ADAM19: variants seen among roughly 807,000 people sequenced by gnomAD.
The protein encoded by ADAM19 is ADAM metallopeptidase domain 19.
In ADAM19, 65 loss-of-function variants were observed where a neutral mutation model predicts 114.7. The observed-to-expected ratio is 0.57, with a 90% CI of 0.46 to 0.70. ADAM19 has a LOEUF of 0.70. Among genes scored for constraint, ADAM19 ranks in the 30% least tolerant of loss-of-function variants. The pLI is 0.00. For missense variants in ADAM19, 1,063 were observed against 1,204.7 expected (o/e 0.88, Z 1.74); for synonymous variants, 466 against 460.5 (o/e 1.01, Z -0.15).
chr5:157,488,910 G>T (rs1755052071), intron 20 of ADAM19, among the ~76,000 whole-genome samples, 192 bp downstream of exon 20: 1 of 152,146 alleles, frequency 6.6e-6, no homozygotes. Context: ...GGCACCTGTA[G>T]TCCCAGCTAA....
At chr5:157,536,011 T>C (rs2113761486) in intron 4 of ADAM19, among the ~76,000 whole-genome samples, 1 of 152,296 alleles carries the variant, frequency 6.6e-6, no homozygotes, top group East Asian at 1.9e-4. Flanking sequence ...CATTGAAGAA[T>C]ATGAAGTCAC....
At chr5:157,499,775 T>C (rs28437431) in intron 12 of ADAM19, 113 bp from the exon 13 acceptor site, 18,787 of 177,162 alleles carry the variant, frequency 0.11, 90 homozygotes, top group South Asian at 0.23. Flanking sequence ...AACTATCTCT[T>C]TTTTTTTTTT....
chr5:157,481,932 C>A lies in ADAM19; in HGVS notation c.2562G>T (p.Arg854Ser). ...PNCIVSQDFS[R>S]PRPPQKALPA... ...GGAGTGCCTTCTGGGGCGGCCGAGG[C>A]CTGGAGAAGTCCTGGAGAGAAAGCA... Residue 854 changes from arginine (R) to serine (S), a missense_variant, in exon 22 of 23, where the codon AGG (arginine) becomes AGT (serine). Transcript: ENST00000257527. 6.2e-7 allele frequency: 1 copy of A among 1,601,638 alleles called. No homozygotes were observed. Among genetic ancestry groups the A allele is most frequent in the Non-Finnish European group, 8.5e-7 (1 of 1,173,218 alleles).
At chr5:157,551,136 G>T (rs1476895273) in intron 3 of ADAM19, among the ~76,000 whole-genome samples, 5 of 152,136 alleles carry the variant, frequency 3.3e-5, no homozygotes, top group African/African-American at 9.7e-5. Flanking sequence ...CAGGCACAGT[G>T]GTTCATGCCT....
chr5:157,504,395 C>T (rs758064151), intron 11 of ADAM19, among the ~76,000 whole-genome samples: 1 of 152,126 alleles, frequency 6.6e-6, no homozygotes, highest in Non-Finnish European at 1.5e-5. Context: ...GGACCACAGG[C>T]GTGCACCACC....
rs527622833 is a variant in ADAM19 at position 157,483,374 on chromosome 5, A to G, written c.2551-1431T>C. ...TATAAATAAGCAAAATTTCATCAGCAGAAAAATAACTAAAATTATAAAGTG... is the reference window on the plus strand; with the variant it reads ...TATAAATAAGCAAAATTTCATCAGCGGAAAAATAACTAAAATTATAAAGTG... On this transcript the variant is annotated intron_variant, in intron 21 of 22. Coordinates refer to ENST00000257527, the MANE Select transcript of ADAM19 (RefSeq NM_033274.5). Among the ~76,000 whole-genome samples the G allele has an allele frequency of 2.2e-4, 34 of 152,330 alleles. No homozygotes were observed. The South Asian group carries it at 6.4e-3, about 29-fold the overall frequency.
chr5:157,551,911 T>C (rs776896579), intron 3 of ADAM19, among the ~76,000 whole-genome samples: 12 of 152,114 alleles, frequency 7.9e-5, no homozygotes, highest in Non-Finnish European at 1.8e-4. Flanking sequence ...CCCAGCACTT[T>C]GGGATGGATC....
chr5:157,572,365 A>G (rs531796267), intron 1 of ADAM19: 20 of 423,746 alleles, frequency 4.7e-5, no homozygotes, highest in African/African-American at 4.1e-4. Flanking sequence ...CTGGCGGCAG[A>G]CTATCTTAAC....
At chr5:157,493,230 G>A in intron 15 of ADAM19, 53 bp from the exon 16 acceptor site, 1 of 1,585,114 alleles carries the variant, frequency 6.3e-7, no homozygotes, top group Non-Finnish European at 8.6e-7. Context: ...CAGAGGAAGA[G>A]CTGGGGCACC....
rs546009068 is a variant in ADAM19 at position 157,549,550 on chromosome 5, A to G, written c.252-11559T>C. ...AAGCCTCCCATCATTCTGCAAGACA[A>G]TATTTCAAGTAACCCTCATTAGGGA... On this transcript the variant is annotated intron_variant, in intron 3 of 22. Coordinates refer to ENST00000257527, the MANE Select transcript of ADAM19 (RefSeq NM_033274.5). 1.1e-4 allele frequency among the ~76,000 whole-genome samples: 16 copies of G among 152,270 alleles called. No individual in the cohort carries two copies. The East Asian group carries it at 2.9e-3, about 28-fold the overall frequency.
At chr5:157,575,486 AG>A (rs1757947667) in intron 1 of ADAM19, 116 bp downstream of exon 1, 2 of 687,160 alleles carry the variant, frequency 2.9e-6, no homozygotes, top group Admixed American at 4.3e-5. Flanking sequence ...GCGGGGGCGC[AG>A]GCCCCGCGGA....
chr5:157,564,312 G>T, intron 3 of ADAM19, 61 bp downstream of exon 3: 1 of 1,499,810 alleles, frequency 6.7e-7, no homozygotes, highest in Non-Finnish European at 9.3e-7. Flanking sequence ...AGCGACACCT[G>T]CGTCCGGCGT....
intron 8 of ADAM19, among the ~76,000 whole-genome samples, chr5:157,512,637 A>G (rs192449711): frequency 3.3e-5 from 5 of 152,374 alleles, no homozygotes; most frequent in African/African-American, 9.6e-5. Context: ...CAAGTCCCAG[A>G]CCAGCCCGTT....
chr5:157,528,712 G>C (rs1436248831), intron 5 of ADAM19, among the ~76,000 whole-genome samples: 1 of 152,122 alleles, frequency 6.6e-6, no homozygotes, highest in Non-Finnish European at 1.5e-5. Flanking sequence ...CATTTGTATA[G>C]GAGCCTGCAT....
chr5:157,529,232 A>G (rs1756558092), intron 5 of ADAM19, among the ~76,000 whole-genome samples: 2 of 152,138 alleles, frequency 1.3e-5, no homozygotes, highest in South Asian at 4.1e-4. Context: ...CTATCACTGC[A>G]CAGAGGCACC....
In ADAM19 at chr5:157,488,365, T is replaced by A; in HGVS notation, c.2450A>T (p.Asn817Ile). ...LPAHLSRAAR[N>I]SPGPGSQIER... ...TATTTGAGACCCGGGCCCTGGGGAG[T>A]TCCTAGCAGCCCTGCTCAGGTGAGC... Residue 817 changes from asparagine to isoleucine, a missense_variant, in exon 21 of 23, where the codon AAC (asparagine) becomes ATC (isoleucine). Asn to Ile is a moderately radical substitution (Grantham distance 149). Coordinates refer to ENST00000257527, the MANE Select transcript of ADAM19 (RefSeq NM_033274.5). The A allele has an allele frequency of 6.2e-7, 1 of 1,614,092 alleles. No individual in the cohort carries two copies. The highest frequency in any genetic ancestry group is 8.5e-7 in the Non-Finnish European group (1 of 1,179,998).
intron 7 of ADAM19, among the ~76,000 whole-genome samples, chr5:157,514,141 C>T (rs1048119851): frequency 6.6e-6 from 1 of 152,036 alleles, no homozygotes; most frequent in African/African-American, 2.4e-5. Flanking sequence ...GAAAACCTGC[C>T]GGGAAAACGT....
At chr5:157,567,057 C>G (rs6890755) in intron 2 of ADAM19, among the ~76,000 whole-genome samples, 53,658 of 152,068 alleles carry the variant, frequency 0.35, 11,413 homozygotes, top group African/African-American at 0.59. Flanking sequence ...TCAAAGCTTA[C>G]TTCTTGCATG....
intron 3 of ADAM19, among the ~76,000 whole-genome samples, chr5:157,561,092 T>A (rs1327035189): frequency 6.6e-6 from 1 of 152,208 alleles, no homozygotes; most frequent in Non-Finnish European, 1.5e-5. Context: ...AATGCTCAGA[T>A]TATCCCTAAA....
Sources: gnomAD v4.1 joint callset for allele counts (sites outside exome capture counted in the v4.1 genomes callset) on GRCh38, gnomAD v4.1.1 for gene constraint, MANE v1.5 for transcripts, NCBI Gene and HGNC (gene_info 2026-07-23, HGNC 2026-07-21) for gene names.